Variants in CNTNAP3B observed in about 807,000 individuals in gnomAD.
CNTNAP3B encodes contactin-associated protein-like 3B.
Under a neutral mutation model 108.9 loss-of-function variants are expected in CNTNAP3B, and 25 were observed. The ratio of observed to expected loss-of-function variants is 0.23; its 90% CI spans 0.17 to 0.32. The LOEUF is 0.32. CNTNAP3B is among the 10% of genes least tolerant of loss of function. CNTNAP3B has a pLI of 1.00. For missense variants in CNTNAP3B, 252 were observed against 1,210.4 expected (o/e 0.21, Z 11.75); for synonymous variants, 103 against 473.4 (o/e 0.22, Z 10.16).
chr9:41,929,748 T>A (rs71489784), intron 14 of CNTNAP3B, among the ~76,000 whole-genome samples: 49,535 of 96,174 alleles, frequency 0.52, 11,404 homozygotes, highest in East Asian at 0.69. Flanking sequence ...ATAAAAATTT[T>A]TGGATATGAA....
rs1457671805 is a variant in CNTNAP3B, at chr9:41,924,514, G to A, written c.2366-421C>T. 1.4e-4 allele frequency among the ~76,000 whole-genome samples: 22 copies of A among 152,392 alleles called. No homozygotes were observed. In the East Asian group the frequency reaches 4.3e-3, roughly 29 times the overall value. On this transcript the variant is annotated intron_variant, in intron 15 of 23. Coordinates refer to ENST00000377561, the MANE Select transcript of CNTNAP3B (RefSeq NM_001201380.3). ...GAAGGGAAATAATTCTAAAGAAGCA[G>A]GTTCGAGCAGCAGCTCAGTTTGGGA...
intron 11 of CNTNAP3B, among the ~76,000 whole-genome samples, chr9:41,963,265 G>A (rs1825162109): frequency 6.6e-6 from 1 of 152,250 alleles, no homozygotes; most frequent in African/African-American, 2.4e-5. Flanking sequence ...TGGAACTGAG[G>A]ACTTTGCATC....
At chr9:41,929,140 G>A (rs1490321401) in intron 15 of CNTNAP3B, among the ~76,000 whole-genome samples, 177 bp downstream of exon 15, 3 of 149,638 alleles carry the variant, frequency 2.0e-5, no homozygotes, top group Non-Finnish European at 4.4e-5. Context: ...GCTTCAGTAA[G>A]GAAACACAGA....
At chr9:41,990,560 A>G (rs78970878) in intron 8 of CNTNAP3B, among the ~76,000 whole-genome samples, 38,983 of 99,478 alleles carry the variant, frequency 0.39, 8,877 homozygotes, top group East Asian at 0.6. Flanking sequence ...GTATAGTCAC[A>G]TGTGCCTCTT....
chr9:42,019,492 C>T (rs1173351101), intron 3 of CNTNAP3B, among the ~76,000 whole-genome samples: 1 of 66,406 alleles, frequency 1.5e-5, no homozygotes. Context: ...TGGCTTACGC[C>T]TGTAATCTCA....
At chr9:41,953,591 C>G (rs1824765732) in intron 12 of CNTNAP3B, among the ~76,000 whole-genome samples, 1 of 150,656 alleles carries the variant, frequency 6.6e-6, no homozygotes, top group Non-Finnish European at 1.5e-5. Flanking sequence ...GAACTGATGA[C>G]CAAACTTTTG....
chr9:41,947,714 A>T (rs1375928661), intron 13 of CNTNAP3B, among the ~76,000 whole-genome samples: 1 of 152,014 alleles, frequency 6.6e-6, no homozygotes, highest in African/African-American at 2.4e-5. Flanking sequence ...TGAAACAAAA[A>T]TAATAGAGAA....
intron 13 of CNTNAP3B, among the ~76,000 whole-genome samples, chr9:41,950,375 C>G (rs1272971902): frequency 1.4e-5 from 2 of 141,508 alleles, no homozygotes; most frequent in African/African-American, 5.3e-5. Flanking sequence ...CCACCTATTG[C>G]CCTTTGGGGC....
chr9:42,070,595 C>T (rs1377180940), intron 3 of CNTNAP3B, among the ~76,000 whole-genome samples: 1 of 150,332 alleles, frequency 6.7e-6, no homozygotes, highest in African/African-American at 2.5e-5. Context: ...GTGTGTCTGG[C>T]ATGTAACACA....
At chr9:41,906,310 GC>G (rs2117884708) in intron 20 of CNTNAP3B, 1 of 38,488 alleles carries the variant, frequency 2.6e-5, no homozygotes, top group African/African-American at 1.1e-4. Context: ...ATAAAACCAA[GC>G]ACTGCTGTTC....
chr9:41,931,277 G>T (rs1280464529), intron 14 of CNTNAP3B, among the ~76,000 whole-genome samples: 13 of 152,328 alleles, frequency 8.5e-5, no homozygotes, highest in Admixed American at 2.0e-4. Context: ...ATCAAATCAG[G>T]GTAATTGGGA....
chr9:41,947,945 T>C (rs1824571922), intron 13 of CNTNAP3B, among the ~76,000 whole-genome samples: 1 of 151,714 alleles, frequency 6.6e-6, no homozygotes, highest in Admixed American at 6.6e-5. Context: ...TCTCAAAAAG[T>C]ACAAACTACC....
intron 1 of CNTNAP3B, among the ~76,000 whole-genome samples, chr9:42,121,359 CA>C (rs1564201123): frequency 7.2e-6 from 1 of 139,422 alleles, no homozygotes; most frequent in East Asian, 2.2e-4. Context: ...ACGCCCATCA[CA>C]GGCTCAGCTT....
chr9:41,927,891 A>C (rs1305747325), intron 15 of CNTNAP3B, among the ~76,000 whole-genome samples: 597 of 135,168 alleles, frequency 4.4e-3, no homozygotes, highest in Non-Finnish European at 7.5e-3. Flanking sequence ...TGGAAGAAAC[A>C]GAAAAAATGT....
chr9:41,958,870 A>G (rs1171959978), intron 12 of CNTNAP3B, among the ~76,000 whole-genome samples: 1 of 140,750 alleles, frequency 7.1e-6, no homozygotes, highest in Non-Finnish European at 1.5e-5. Flanking sequence ...TTTTTCTCCA[A>G]CATTCACTGT....
intron 1 of CNTNAP3B, among the ~76,000 whole-genome samples, chr9:42,117,182 A>G (rs1294416258): frequency 7.4e-6 from 1 of 136,050 alleles, no homozygotes; most frequent in African/African-American, 3.0e-5. Flanking sequence ...GACCTAATAG[A>G]CATCTACAGA....
intron 1 of CNTNAP3B, among the ~76,000 whole-genome samples, chr9:42,115,950 G>T (rs1415080907): frequency 7.5e-6 from 1 of 133,722 alleles, no homozygotes; most frequent in African/African-American, 3.0e-5. Flanking sequence ...CGAACCCGTC[G>T]CAAAGAAGCT....
intron 6 of CNTNAP3B, among the ~76,000 whole-genome samples, chr9:41,997,262 G>C (rs1488799697): frequency 6.6e-6 from 1 of 151,834 alleles, no homozygotes; most frequent in Non-Finnish European, 1.5e-5. Context: ...TAATATACCA[G>C]ATGAAATTTC....
In CNTNAP3B at chr9:42,129,176, T is replaced by A; in HGVS notation, c.-82A>T. 2 of 1,479,426 alleles carry A rather than the reference T, an allele frequency of 1.4e-6. No individual in the cohort carries two copies. Among genetic ancestry groups the A allele is most frequent in the Non-Finnish European group, 1.8e-6 (2 of 1,105,782 alleles). The allele number at this position is 1,479,426 out of a possible 1,614,324, so 91.6% of individuals were successfully genotyped here. On this transcript the variant is annotated 5_prime_UTR_variant, in exon 1 of 24. Coordinates refer to ENST00000377561, the MANE Select transcript of CNTNAP3B (RefSeq NM_001201380.3). ...TTCCTGCTCTCACTCCCGCTCTCAC[T>A]CCCGTCCCCTGCGCGGCTCCGACGC...
Sources: allele counts gnomAD v4.1 joint callset (sites outside exome capture counted in the v4.1 genomes callset), GRCh38; gene constraint gnomAD v4.1.1; transcripts MANE v1.5; gene names NCBI Gene and HGNC (gene_info 2026-07-23, HGNC 2026-07-21).